Variants in UROC1 observed in about 807,000 individuals in gnomAD.
UROC1 encodes the protein urocanate hydratase 1, also known as urocanate hydratase.
A neutral mutation model predicts 89.5 loss-of-function variants in UROC1; 79 were observed. That is an observed-to-expected ratio of 0.88 (90% CI 0.74 to 1.06). UROC1 has a LOEUF of 1.06. Ranked by LOEUF, UROC1 falls within the 50% of genes least tolerant of loss-of-function variation. The pLI is 0.00. For missense variants in UROC1, 885 were observed against 907.8 expected (o/e 0.97, Z 0.32); for synonymous variants, 361 against 354.8 (o/e 1.02, Z -0.20).
At chr3:126,511,261 C>T (rs777490) in intron 1 of UROC1, among the ~76,000 whole-genome samples, 47,877 of 152,088 alleles carry the variant, frequency 0.31, 7,673 homozygotes, top group Admixed American at 0.38. Context: ...CTCTTTTGAT[C>T]GTGAGCCATA....
rs202042371 is a variant in UROC1, at chr3:126,492,459, C to G, written c.1567G>C (p.Ala523Pro). The change falls in exon 16 of 20, where the codon GCT (alanine) becomes CCT (proline). Residue 523 changes from alanine (A) to proline (P), a missense_variant. Transcript: ENST00000290868. Reference sequence around the variant, plus strand: ...GCGATGGCCTGGTTAATGGCCACAGCGATGGCCACGCGGCCCTTCTGGTCT... The same window carrying G: ...GCGATGGCCTGGTTAATGGCCACAGGGATGGCCACGCGGCCCTTCTGGTCT... Reference protein sequence around the residue: ...YSDQKGRVAIAVAINQAIACR... With the variant: ...YSDQKGRVAIPVAINQAIACR... 1.5e-5 allele frequency: 24 copies of G among 1,613,578 alleles called. No homozygotes were observed. The highest frequency in any genetic ancestry group is 1.9e-5 in the Non-Finnish European group (23 of 1,179,962).
intron 15 of UROC1, among the ~76,000 whole-genome samples, chr3:126,495,179 C>T (rs1032819412): frequency 6.6e-6 from 1 of 152,124 alleles, no homozygotes; most frequent in East Asian, 1.9e-4. Flanking sequence ...GGCCACTTTC[C>T]CCCTCTACGT....
chr3:126,494,395 C>G (rs1198458797), intron 15 of UROC1, among the ~76,000 whole-genome samples: 1 of 152,220 alleles, frequency 6.6e-6, no homozygotes, highest in Non-Finnish European at 1.5e-5. Flanking sequence ...CTCTTCTCCA[C>G]CCCATCTCTG....
chr3:126,498,238 A>T (rs560088566), intron 13 of UROC1, 66 bp from the exon 14 acceptor site: 10 of 1,611,946 alleles, frequency 6.2e-6, no homozygotes, highest in Non-Finnish European at 8.5e-6. Context: ...TGCAGGTGTG[A>T]GCATGCCAGG....
At chr3:126,511,513 G>C (rs998670531) in intron 1 of UROC1, among the ~76,000 whole-genome samples, 4 of 152,220 alleles carry the variant, frequency 2.6e-5, no homozygotes. Flanking sequence ...GGCTTGACGG[G>C]ACATTTTACT....
chr3:126,483,159 A>T (rs1258007491), intron 19 of UROC1, among the ~76,000 whole-genome samples: 1 of 151,756 alleles, frequency 6.6e-6, no homozygotes, highest in East Asian at 1.9e-4. Context: ...GCCTCCCCTC[A>T]TTCTCTGGGT....
rs117568322 is a variant in UROC1, at chr3:126,485,871, G to A, written c.1790+2327C>T. 5.8e-4 allele frequency among the ~76,000 whole-genome samples: 89 copies of A among 152,190 alleles called. 6 individuals are homozygous for A. The East Asian group carries it at 0.017, about 29-fold the overall frequency. ...GGCAGTATCCAGATATATAATAGAT[G>A]GTGGATAGAACACAGCCATTTACCC... is the stretch of plus-strand genomic sequence containing the variant. On this transcript the variant is annotated intron_variant, in intron 18 of 19. Coordinates refer to ENST00000290868, the MANE Select transcript of UROC1 (RefSeq NM_144639.3).
At chr3:126,492,269 T>C (rs1409260185) in intron 16 of UROC1, 149 bp downstream of exon 16, 2 of 766,136 alleles carry the variant, frequency 2.6e-6, no homozygotes, top group African/African-American at 1.7e-5. Context: ...CCACTGCTCC[T>C]GAGCACTGGG....
chr3:126,500,203 C>CACAG, intron 11 of UROC1, 49 bp from the exon 12 acceptor site: 1 of 1,591,276 alleles, frequency 6.3e-7, no homozygotes, highest in Non-Finnish European at 8.6e-7. Context: ...CCTGGGGCCT[C>CACAG]CCCAATGTGG....
At position 126,498,221 on chromosome 3, in the gene UROC1, G is replaced by T. The variant is rs201794074; in HGVS notation, c.1317-49C>A. On this transcript the variant is annotated intron_variant, in intron 13 of 19. Transcript: ENST00000290868. The stretch of plus-strand genomic sequence containing the variant: ...CCCTGGGCCCGCTGGCTTGTTGGGG[G>T]AGGGGGTGCAGGTGTGAGCATGCCA... 8.7e-6 allele frequency: 14 copies of T among 1,613,148 alleles called. No individual in the cohort carries two copies. In the East Asian group the frequency reaches 2.9e-4, roughly 33 times the overall value.
At position 126,501,704 on chromosome 3, in the gene UROC1, G is replaced by A. The variant is rs569355683; in HGVS notation, c.903-424C>T. The A allele has an allele frequency of 5.4e-4, 763 of 1,414,666 alleles. 9 individuals are homozygous for A. In the South Asian group the frequency reaches 5.9e-3, roughly 11 times the overall value. 87.6% of individuals were successfully genotyped at this position (1,414,666 alleles called of 1,614,324 possible). A position where few individuals can be genotyped will look rare whatever the true frequency, so the allele number is the denominator to read the frequency against. Reference sequence around the variant, plus strand: ...TCAAAGCATATTTTGGGAAACAGAAGATTTGAACAGGCCTTGCAGGTAGTA... The same window carrying A: ...TCAAAGCATATTTTGGGAAACAGAAAATTTGAACAGGCCTTGCAGGTAGTA... On this transcript the variant is annotated intron_variant, in intron 9 of 19. Transcript: ENST00000290868.
chr3:126,490,981 T>C (rs1236282622), intron 16 of UROC1, among the ~76,000 whole-genome samples: 4 of 152,126 alleles, frequency 2.6e-5, no homozygotes, highest in African/African-American at 9.7e-5. Flanking sequence ...CTCCAGGGGA[T>C]CTCAAAATTT....
intron 19 of UROC1, 58 bp from the exon 20 acceptor site, chr3:126,482,543 T>C (rs944971447): frequency 6.2e-6 from 10 of 1,612,442 alleles, no homozygotes; most frequent in Non-Finnish European, 8.5e-6. Context: ...CCCACGTGAG[T>C]CTTGGCTCCC....
intron 3 of UROC1, 133 bp from the exon 4 acceptor site, chr3:126,508,608 G>A (rs1936124619): frequency 2.8e-6 from 2 of 704,426 alleles, no homozygotes. Flanking sequence ...GTGAGGCCCA[G>A]GGACGGACAC....
intron 16 of UROC1, among the ~76,000 whole-genome samples, chr3:126,491,565 G>T (rs934781976): frequency 1.3e-5 from 2 of 152,236 alleles, no homozygotes; most frequent in African/African-American, 2.4e-5. Flanking sequence ...TGCTGCCGGT[G>T]CCAGCCCCAG....
chr3:126,485,281 G>A (rs1449530816), intron 18 of UROC1, among the ~76,000 whole-genome samples: 1 of 152,234 alleles, frequency 6.6e-6, no homozygotes, highest in Non-Finnish European at 1.5e-5. Flanking sequence ...CTACAAGGCA[G>A]TTGTTATTAT....
intron 3 of UROC1, among the ~76,000 whole-genome samples, chr3:126,508,926 A>T (rs1936131499): frequency 6.6e-6 from 1 of 152,264 alleles, no homozygotes; most frequent in Non-Finnish European, 1.5e-5. Context: ...ATGGGGCCAG[A>T]TCCATGCTAC....
At chr3:126,510,532 T>G (rs1339212435) in intron 2 of UROC1, 132 bp downstream of exon 2, 3 of 1,436,540 alleles carry the variant, frequency 2.1e-6, no homozygotes, top group Non-Finnish European at 2.8e-6. Flanking sequence ...TTCCCTCCCC[T>G]GCCTCCTGGT....
At chr3:126,495,905 G>C (rs1935764449) in intron 15 of UROC1, 133 bp downstream of exon 15, 1 of 837,908 alleles carries the variant, frequency 1.2e-6, no homozygotes, top group Non-Finnish European at 2.0e-6. Flanking sequence ...ACAGGATCTT[G>C]TGTGTGCACC....
Sources: allele counts gnomAD v4.1 joint callset (sites outside exome capture counted in the v4.1 genomes callset), GRCh38; gene constraint gnomAD v4.1.1; transcripts MANE v1.5; gene names NCBI Gene and HGNC (gene_info 2026-07-23, HGNC 2026-07-21).